Variants in PYGB observed in about 807,000 individuals in gnomAD.
The protein encoded by PYGB is glycogen phosphorylase B, also known as glycogen phosphorylase, brain form.
A neutral mutation model predicts 94.3 loss-of-function variants in PYGB; 82 were observed. That is an observed-to-expected ratio of 0.87 (90% confidence interval 0.73 to 1.04). The LOEUF is 1.04. Ranked by LOEUF, PYGB falls within the 50% of genes least tolerant of loss-of-function variation. The pLI is 0.00. For synonymous variants in PYGB, 488 were observed against 479.1 expected (o/e 1.02, Z -0.24); for missense variants, 1,132 against 1,158.2 (o/e 0.98, Z 0.33).
Position 25,248,241 on chromosome 20 carries a change from G to C in PYGB, c.63G>C (p.Gly21=), listed in dbSNP as rs762598427. The C allele has an allele frequency of 1.9e-6, 3 of 1,598,158 alleles. No individual in the cohort carries two copies. The African/African-American group carries it at 4.1e-5, about 22-fold the overall frequency. ...AGATCAGCGTGCGCGGCCTGGCGGG[G>C]CTAGGCGACGTGGCCGAGGTGCGGA... ...RKQISVRGLA[G]LGDVAEVRKS... Residue 21 remains glycine, a synonymous_variant, in exon 1 of 20, where the codon GGG becomes GGC. Transcript: ENST00000216962.
chr20:25,274,324 C>T (rs573910435), intron 4 of PYGB, among the ~76,000 whole-genome samples: 19 of 152,326 alleles, frequency 1.2e-4, no homozygotes, highest in Admixed American at 7.2e-4. Flanking sequence ...CCATCCAGAT[C>T]GGAGCATGTG....
chr20:25,282,834 G>A (rs910571781), intron 12 of PYGB, among the ~76,000 whole-genome samples: 2 of 152,236 alleles, frequency 1.3e-5, no homozygotes, highest in African/African-American at 2.4e-5. Context: ...GGCAGGGAAG[G>A]TGCTGGTGGA....
At chr20:25,266,215 T>A (rs2088217223) in intron 2 of PYGB, among the ~76,000 whole-genome samples, 3 of 151,982 alleles carry the variant, frequency 2.0e-5, no homozygotes, top group Admixed American at 2.0e-4. Flanking sequence ...ATTTTTCCTT[T>A]TGTTGCCTGT....
intron 17 of PYGB, 144 bp downstream of exon 17, chr20:25,292,757 TGCAGG>T: frequency 8.8e-7 from 1 of 1,131,562 alleles, no homozygotes; most frequent in South Asian, 1.6e-5. Flanking sequence ...TGTGCCTGCC[TGCAGG>T]GGTGACCATT....
intron 5 of PYGB, 54 bp from the exon 6 acceptor site, chr20:25,276,592 G>A (rs1389538444): frequency 2.0e-6 from 3 of 1,490,582 alleles, no homozygotes; most frequent in Non-Finnish European, 2.8e-6. Context: ...GAGAGGCACA[G>A]GGGCCGGCGG....
chr20:25,289,736 A>C, intron 15 of PYGB: 3 of 465,482 alleles, frequency 6.4e-6, no homozygotes, highest in South Asian at 4.9e-5. Context: ...CACCCAGACT[A>C]GCTGAAGCAT....
At chr20:25,272,433 A>G (rs182003911) in intron 4 of PYGB, among the ~76,000 whole-genome samples, 1 of 152,356 alleles carries the variant, frequency 6.6e-6, no homozygotes, top group Admixed American at 6.5e-5. Flanking sequence ...CATAAACGCA[A>G]GGAGCTGCTG....
At chr20:25,275,369 C>G (rs1388950169) in intron 5 of PYGB, among the ~76,000 whole-genome samples, 1 of 152,234 alleles carries the variant, frequency 6.6e-6, no homozygotes, top group Non-Finnish European at 1.5e-5. Flanking sequence ...CTCCGGGCAG[C>G]TGTAAGCCGG....
intron 18 of PYGB, 110 bp from the exon 19 acceptor site, chr20:25,295,494 G>C (rs2088527075): frequency 7.6e-7 from 1 of 1,315,506 alleles, no homozygotes; most frequent in Non-Finnish European, 1.1e-6. Context: ...CTTCGCTCCA[G>C]ACAGGACCAG....
intron 3 of PYGB, among the ~76,000 whole-genome samples, chr20:25,270,957 TGCTGTGCCG>T (rs1293878910): frequency 6.6e-6 from 1 of 152,232 alleles, no homozygotes; most frequent in African/African-American, 2.4e-5. Flanking sequence ...CAGCTGCCAC[TGCTGTGCCG>T]GCTTCACTCA....
In PYGB at chr20:25,281,106, AGTCG is replaced by A. The variant is rs755765383; in HGVS notation, c.1400_1403del (p.Val468LeufsTer45). The A allele has an allele frequency of 3.1e-6, 5 of 1,614,138 alleles. No individual in the cohort carries two copies. Among genetic ancestry groups the A allele is most frequent in the Non-Finnish European group, 4.2e-6 (5 of 1,179,980 alleles). ...AGGATCCACTCGGAGATCGTGAAAC[AGTCG>A]GTGTGAGTGGGGCGCTTGCCCGAGC... On this transcript the variant is annotated frameshift_variant and splice_region_variant, in exon 11 of 20. Transcript: ENST00000216962. LOFTEE classifies it high-confidence loss of function.
At chr20:25,257,150 A>C (rs2092904312) in intron 1 of PYGB, among the ~76,000 whole-genome samples, 1 of 152,212 alleles carries the variant, frequency 6.6e-6, no homozygotes, top group African/African-American at 2.4e-5. Flanking sequence ...TTCACTCTGA[A>C]CCATATTAAG....
At chr20:25,273,830 C>T (rs1206365846) in intron 4 of PYGB, among the ~76,000 whole-genome samples, 1 of 152,198 alleles carries the variant, frequency 6.6e-6, no homozygotes, top group Non-Finnish European at 1.5e-5. Flanking sequence ...GTGTCACTTT[C>T]TTTCTTTTTT....
At chr20:25,252,177 T>G (rs952139371) in intron 1 of PYGB, among the ~76,000 whole-genome samples, 3 of 152,356 alleles carry the variant, frequency 2.0e-5, no homozygotes, top group Non-Finnish European at 4.4e-5. Context: ...TGCTGTTTTG[T>G]GTTGCTGACA....
At chr20:25,281,258 C>A in intron 11 of PYGB, 146 bp downstream of exon 11, 1 of 1,129,748 alleles carries the variant, frequency 8.9e-7, no homozygotes, top group Non-Finnish European at 1.2e-6. Context: ...GACAGAGCTG[C>A]CCAGAACACC....
At chr20:25,265,645 A>AG (rs2088211460) in intron 2 of PYGB, among the ~76,000 whole-genome samples, 1 of 134,678 alleles carries the variant, frequency 7.4e-6, no homozygotes, top group South Asian at 2.3e-4. Flanking sequence ...CCCAGGCTGG[A>AG]GGGCAGTGGC....
chr20:25,280,170 C>T (rs1287456795), intron 9 of PYGB, 96 bp from the exon 10 acceptor site: 15 of 1,450,350 alleles, frequency 1.0e-5, no homozygotes, highest in South Asian at 2.6e-5. Context: ...TACCCAGCAT[C>T]TGCCTGGGAT....
At chr20:25,276,848 C>A in intron 6 of PYGB, 91 bp downstream of exon 6, 1 of 1,263,436 alleles carries the variant, frequency 7.9e-7, no homozygotes, top group Non-Finnish European at 1.1e-6. Context: ...CCCTGTGGCT[C>A]ACTGTCCTGG....
Position 25,292,407 on chromosome 20 carries a change from G to A in PYGB, c.1971G>A (p.Val657=), listed in dbSNP as rs1265856418. The change falls in exon 17 of 20, where the codon GTG becomes GTA. Residue 657 remains valine, a splice_region_variant and synonymous_variant. Transcript: ENST00000216962. ...CCCTCCACGGGCTCCCCTCCACAGT[G>A]ATCCCGGCCGCTGATCTGTCGCAGC... The part of the protein sequence containing the change: ...ENYRVSLAEK[V]IPAADLSQQI... 1.9e-6 allele frequency: 3 copies of A among 1,612,936 alleles called. No homozygotes were observed. In the African/African-American group the frequency reaches 4.0e-5, roughly 21 times the overall value.
Sources: gnomAD v4.1 joint callset for allele counts (sites outside exome capture counted in the v4.1 genomes callset) on GRCh38, gnomAD v4.1.1 for gene constraint, MANE v1.5 for transcripts, NCBI Gene and HGNC (gene_info 2026-07-23, HGNC 2026-07-21) for gene names.